SCN2B: variants seen among roughly 807,000 people sequenced by gnomAD.
The protein encoded by SCN2B is sodium channel regulatory subunit beta-2.
In SCN2B, 14 loss-of-function variants were observed where a neutral mutation model predicts 18.2. That is an observed-to-expected ratio of 0.77 (90% CI 0.51 to 1.21). The LOEUF (loss-of-function observed/expected upper bound fraction) is 1.21. SCN2B is among the 50% of genes most tolerant of loss of function. The probability of loss-of-function intolerance (pLI) is 0.00; values close to 1 mark genes in which losing one functional copy is unlikely to be tolerated. For missense variants in SCN2B, 262 were observed against 286.9 expected (o/e 0.91, Z 0.63); for synonymous variants, 115 against 115.3 (o/e 1.00, Z 0.02).
At chr11:118,170,551 G>A (rs1025847336) in intron 1 of SCN2B, among the ~76,000 whole-genome samples, 1 of 152,154 alleles carries the variant, frequency 6.6e-6, no homozygotes, top group Non-Finnish European at 1.5e-5. Flanking sequence ...TCTTTGGAGT[G>A]TGATAGGAGG....
In SCN2B at chr11:118,174,091, C is replaced by CTTTTGTTTTTTTTTTTTT. The variant is rs1555101438; in HGVS notation, c.70+2270_70+2271insAAAAAAAAAAAAACAAAA. ...ACCATGCCTGGCTTATTTTTCTTTT[C>CTTTTGTTTTTTTTTTTTT]TTTTTTTTTTTTTTTTTTTTTTTTT... On this transcript the variant is annotated intron_variant, in intron 1 of 3. Coordinates refer to ENST00000278947, the MANE Select transcript of SCN2B (RefSeq NM_004588.5). 5.3e-4 allele frequency among the ~76,000 whole-genome samples: 35 copies of CTTTTGTTTTTTTTTTTTT among 66,662 alleles called. 3 individuals are homozygous for CTTTTGTTTTTTTTTTTTT. The highest frequency in any genetic ancestry group is 1.5e-3 in the South Asian group (2 of 1,328). 43.7% of individuals were successfully genotyped at this position (66,662 alleles called of 152,430 possible).
intron 1 of SCN2B, among the ~76,000 whole-genome samples, chr11:118,175,799 C>G (rs1264134769): frequency 2.0e-5 from 3 of 152,182 alleles, no homozygotes; most frequent in African/African-American, 4.8e-5. Flanking sequence ...CTCAGCAGGT[C>G]TCCTCCCAAC....
At position 118,167,040 on chromosome 11, in the gene SCN2B, G is replaced by A. The variant is rs1217452578; in HGVS notation, c.495C>T (p.Ser165=). 12 of 1,613,616 alleles carry A rather than the reference G, an allele frequency of 7.4e-6. No individual in the cohort carries two copies. Among genetic ancestry groups the A allele is most frequent in the Admixed American group, 1.7e-5 (1 of 60,020 alleles). Residue 165 remains serine, a synonymous_variant, in exon 4 of 4, where the codon TCC becomes TCT. Coordinates refer to ENST00000278947, the MANE Select transcript of SCN2B (RefSeq NM_004588.5). ...DSTVAVIVGA[S]VGGFLAVVIL... is the part of the protein sequence containing the mutation. ...TGACCACAGCCAGGAAGCCCCCGAC[G>A]GAGGCACCCACAATCACGGCCACCG...
In SCN2B at chr11:118,168,105, T is replaced by C. The variant is rs778706954; in HGVS notation, c.428A>G (p.His143Arg). The C allele has an allele frequency of 1.2e-6, 2 of 1,614,030 alleles. No individual in the cohort carries two copies. Among genetic ancestry groups the C allele is most frequent in the East Asian group, 2.2e-5 (1 of 44,868 alleles). Residue 143 changes from histidine (H) to arginine (R), a missense_variant, in exon 3 of 4, where the codon CAT (histidine) becomes CGT (arginine). Physicochemically the swap from His to Arg is conservative, Grantham distance 29. Coordinates refer to ENST00000278947, the MANE Select transcript of SCN2B (RefSeq NM_004588.5). This position sits in a 1 kb window ranked among gnomAD's most constrained non-coding sequence, Gnocchi z 4.7. ...PDRHRGHGKI[H>R]LQVLMEEPPE... ...TTCACCTTCCATGAGGACCTGCAGA[T>C]GGATCTTGCCATGGCCACGGTGGCG...
chr11:118,168,275 C>T lies in SCN2B; in HGVS notation c.258G>A (p.Lys86=). The change falls in exon 3 of 4, where the codon AAG becomes AAA. Residue 86 remains lysine, a synonymous_variant. Coordinates refer to ENST00000278947, the MANE Select transcript of SCN2B (RefSeq NM_004588.5). The surrounding 1 kb of genome is among the most constrained non-coding windows in gnomAD (Gnocchi z 4.7). ...SEEMFLQFRM[K]IINLKLERFQ... ...ACCGCTCCAGCTTCAGGTTAATGATCTTCATGCGGAACTGGAGGAACTGGG... is the reference window on the plus strand; with the variant it reads ...ACCGCTCCAGCTTCAGGTTAATGATTTTCATGCGGAACTGGAGGAACTGGG... 6.2e-7 allele frequency: 1 copy of T among 1,614,194 alleles called. No homozygotes were observed. The highest frequency in any genetic ancestry group is 8.5e-7 in the Non-Finnish European group (1 of 1,180,040).
At chr11:118,171,998 T>G (rs651825) in intron 1 of SCN2B, among the ~76,000 whole-genome samples, 32,164 of 152,040 alleles carry the variant, frequency 0.21, 7,697 homozygotes, top group African/African-American at 0.59. Flanking sequence ...CCTAATCCAA[T>G]ATCTCCACGT....
chr11:118,167,262 C>A (rs1301403755), intron 3 of SCN2B, among the ~76,000 whole-genome samples, 176 bp from the exon 4 acceptor site: 2 of 152,222 alleles, frequency 1.3e-5, no homozygotes, highest in Non-Finnish European at 2.9e-5. Flanking sequence ...ACCTCCAAAT[C>A]CCAGGACACC....
intron 3 of SCN2B, among the ~76,000 whole-genome samples, chr11:118,167,479 A>G (rs1948394201): frequency 6.6e-6 from 1 of 152,268 alleles, no homozygotes; most frequent in Admixed American, 6.5e-5. Context: ...GAGATAATGC[A>G]TAAACAGAGC....
chr11:118,168,301 G>A lies in SCN2B; in HGVS notation c.238-6C>T, dbSNP rs200842493. 3 of 1,613,738 alleles carry A rather than the reference G, an allele frequency of 1.9e-6. No individual in the cohort carries two copies. Among genetic ancestry groups the A allele is most frequent in the South Asian group, 2.2e-5 (2 of 91,020 alleles). Reference sequence around the variant, plus strand: ...TTCATGCGGAACTGGAGGAACTGGGGTTGGAGCAAGGGACAGGATGGGTGG... The same window carrying A: ...TTCATGCGGAACTGGAGGAACTGGGATTGGAGCAAGGGACAGGATGGGTGG... On this transcript the variant is annotated splice_region_variant and splice_polypyrimidine_tract_variant and intron_variant, in intron 2 of 3. Coordinates refer to ENST00000278947, the MANE Select transcript of SCN2B (RefSeq NM_004588.5). This position sits in a 1 kb window ranked among gnomAD's most constrained non-coding sequence, Gnocchi z 4.7.
At chr11:118,176,029 A>G (rs1244439973) in intron 1 of SCN2B, among the ~76,000 whole-genome samples, 1 of 152,176 alleles carries the variant, frequency 6.6e-6, no homozygotes, top group Non-Finnish European at 1.5e-5. Flanking sequence ...AGCAACTCCA[A>G]AAAATAATCC....
At chr11:118,174,820 G>A (rs1379262043) in intron 1 of SCN2B, among the ~76,000 whole-genome samples, 1 of 152,146 alleles carries the variant, frequency 6.6e-6, no homozygotes, top group African/African-American at 2.4e-5. Flanking sequence ...CCTGCACGAA[G>A]TGCTTCCTAA....
At chr11:118,173,900 G>A (rs1042756184) in intron 1 of SCN2B, among the ~76,000 whole-genome samples, 1 of 151,808 alleles carries the variant, frequency 6.6e-6, no homozygotes, top group African/African-American at 2.4e-5. Flanking sequence ...GTGAGGACTA[G>A]ACTTCACTTT....
At chr11:118,170,503 A>C (rs1948422484) in intron 1 of SCN2B, among the ~76,000 whole-genome samples, 1 of 152,194 alleles carries the variant, frequency 6.6e-6, no homozygotes, top group African/African-American at 2.4e-5. Context: ...CCAGCTCACA[A>C]AGGCTTTGTG....
intron 1 of SCN2B, among the ~76,000 whole-genome samples, chr11:118,174,313 G>A (rs949854428): frequency 2.0e-5 from 3 of 151,690 alleles, no homozygotes; most frequent in Non-Finnish European, 2.9e-5. Context: ...GGAGTCAACG[G>A]TCTCAAGAAA....
chr11:118,175,232 G>A (rs935134019), intron 1 of SCN2B, among the ~76,000 whole-genome samples: 2 of 152,196 alleles, frequency 1.3e-5, no homozygotes, highest in African/African-American at 4.8e-5. Context: ...ACCCGGGAGG[G>A]AACTGAAGCT....
chr11:118,173,906 ACTTTCTTT>A (rs111226922), intron 1 of SCN2B, among the ~76,000 whole-genome samples: 250 of 151,502 alleles, frequency 1.7e-3, no homozygotes, highest in African/African-American at 5.8e-3. Flanking sequence ...ACTAGACTTC[ACTTTCTTT>A]CTTTCTTTCT....
chr11:118,162,895 C>T lies in SCN2B; in HGVS notation c.*3992G>A, dbSNP rs1948343421. 1 of 152,464 alleles carries T rather than the reference C, an allele frequency of 6.6e-6. No homozygotes were observed. Among genetic ancestry groups the T allele is most frequent in the East Asian group, 1.9e-4 (1 of 5,204 alleles). The allele number at this position is 152,464 out of a possible 1,614,324, so 9.4% of individuals were successfully genotyped here. A position where few individuals can be genotyped will look rare whatever the true frequency, so the allele number is the denominator to read the frequency against. On this transcript the variant is annotated 3_prime_UTR_variant, in exon 4 of 4. Coordinates refer to ENST00000278947, the MANE Select transcript of SCN2B (RefSeq NM_004588.5). ...CTCAGTCTGCTCCCAAAAGCAGATA[C>T]ATCCCAGCAGTCGAGTCACAGAGGG...
intron 1 of SCN2B, among the ~76,000 whole-genome samples, chr11:118,172,885 C>G (rs1440887910): frequency 2.5e-5 from 3 of 119,212 alleles, no homozygotes; most frequent in African/African-American, 1.2e-4. Context: ...TAATTATTTT[C>G]TTCTTGGTTT....
chr11:118,171,053 C>T (rs983141848), intron 1 of SCN2B, among the ~76,000 whole-genome samples: 15 of 152,268 alleles, frequency 9.9e-5, no homozygotes, highest in South Asian at 2.1e-4. Flanking sequence ...CTGCCAGCCC[C>T]GCCCCTGGCC....
Sources: allele counts gnomAD v4.1 joint callset (sites outside exome capture counted in the v4.1 genomes callset), GRCh38; gene constraint gnomAD v4.1.1; non-coding constraint Gnocchi (gnomAD v3.1); transcripts MANE v1.5; gene names NCBI Gene and HGNC (gene_info 2026-07-23, HGNC 2026-07-21).